Variants in PRKAR1A observed in about 807,000 individuals in gnomAD.
The protein encoded by PRKAR1A is protein kinase cAMP-dependent type I regulatory subunit alpha.
A neutral mutation model predicts 52.0 loss-of-function variants in PRKAR1A; 3 were observed. That is an observed-to-expected ratio of 0.06 (90% CI 0.03 to 0.15). PRKAR1A has a LOEUF of 0.15. PRKAR1A is among the 10% of genes least tolerant of loss of function. PRKAR1A has a pLI of 1.00. For missense variants in PRKAR1A, 240 were observed against 477.4 expected, an observed-to-expected ratio of 0.50 and a Z score of 4.63; for synonymous variants, 188 against 168.4, an observed-to-expected ratio of 1.12 and a Z score of -0.90.
At chr17:68,457,226 G>C in the PRKAR1A span, 2 of 1,263,312 alleles carry the variant, frequency 1.6e-6, no homozygotes, top group South Asian at 1.3e-5. Context: ...AGCAGACACC[G>C]GCCCTCCCGC....
chr17:68,428,856 C>T, the PRKAR1A span: 2 of 1,613,982 alleles, frequency 1.2e-6, no homozygotes, highest in African/African-American at 2.7e-5. Context: ...GACACACTCT[C>T]CTCCATCCTG....
intron 11 of PRKAR1A, among the ~76,000 whole-genome samples, chr17:68,546,754 C>T (rs543683739): frequency 1.2e-3 from 180 of 147,096 alleles, no homozygotes; most frequent in African/African-American, 4.1e-3. Context: ...GGCGTGAACC[C>T]GGGAGGTGGA....
the PRKAR1A span, among the ~76,000 whole-genome samples, chr17:68,425,052 T>A: frequency 1.3e-5 from 2 of 152,178 alleles, no homozygotes; most frequent in Non-Finnish European, 2.9e-5. Context: ...TTGTCTTCAG[T>A]TCCAGGTGAT....
intron 11 of PRKAR1A, chr17:68,540,092 G>A (rs2086221658): frequency 2.3e-5 from 18 of 780,564 alleles, no homozygotes; most frequent in Admixed American, 4.0e-5. Flanking sequence ...ACGAAGCTGG[G>A]CCTCACACTG....
chr17:68,539,804 GTC>G (rs2086209237), intron 11 of PRKAR1A: 2 of 1,364,638 alleles, frequency 1.5e-6, no homozygotes, highest in East Asian at 2.3e-5. Flanking sequence ...TTTGCAGGGC[GTC>G]TGTTTCCCCC....
At chr17:68,488,066 G>A in the PRKAR1A span, among the ~76,000 whole-genome samples, 1 of 152,132 alleles carries the variant, frequency 6.6e-6, no homozygotes, top group African/African-American at 2.4e-5. Context: ...GGAGTAGGGG[G>A]GTGGCATGGG....
chr17:68,458,770 A>G, the PRKAR1A span, among the ~76,000 whole-genome samples: 3 of 152,176 alleles, frequency 2.0e-5, no homozygotes, highest in Non-Finnish European at 4.4e-5. Flanking sequence ...CTGCTGATGG[A>G]TTTTTAATTC....
At chr17:68,481,844 C>T in the PRKAR1A span, among the ~76,000 whole-genome samples, 3 of 152,304 alleles carry the variant, frequency 2.0e-5, no homozygotes, top group Admixed American at 6.5e-5. Context: ...ACAAGGAACA[C>T]TTCTCGGATG....
At chr17:68,479,317 A>G in the PRKAR1A span, among the ~76,000 whole-genome samples, 2 of 152,308 alleles carry the variant, frequency 1.3e-5, no homozygotes, top group East Asian at 3.9e-4. Flanking sequence ...TTAGGTACAG[A>G]TGACATAATC....
chr17:68,435,855 T>C, the PRKAR1A span: 3 of 725,362 alleles, frequency 4.1e-6, no homozygotes, highest in South Asian at 5.2e-5. Context: ...CATCTGCATG[T>C]AAGCTGTGTG....
chr17:68,470,855 T>C, the PRKAR1A span, among the ~76,000 whole-genome samples: 1 of 152,144 alleles, frequency 6.6e-6, no homozygotes. Context: ...ACCAAAATAA[T>C]GTATGAAAGA....
chr17:68,483,966 C>T, the PRKAR1A span, among the ~76,000 whole-genome samples: 2 of 152,144 alleles, frequency 1.3e-5, no homozygotes, highest in South Asian at 2.1e-4. Flanking sequence ...AATATTTATG[C>T]CAATACCATG....
At chr17:68,462,441 CA>C in the PRKAR1A span, among the ~76,000 whole-genome samples, 1 of 152,338 alleles carries the variant, frequency 6.6e-6, no homozygotes, top group South Asian at 2.1e-4. Context: ...GTCAGCCAAT[CA>C]CCCTGCCTTA....
chr17:68,543,612 A>G (rs765011328), intron 11 of PRKAR1A: 5 of 1,612,750 alleles, frequency 3.1e-6, no homozygotes, highest in Non-Finnish European at 4.2e-6. Flanking sequence ...TGCCATCTCC[A>G]TGGGGCCAGA....
At chr17:68,547,835 C>G (rs2086639292) in intron 11 of PRKAR1A, among the ~76,000 whole-genome samples, 1 of 152,214 alleles carries the variant, frequency 6.6e-6, no homozygotes, top group African/African-American at 2.4e-5. Flanking sequence ...AGAACTTTTC[C>G]TTTGCATTCA....
At chr17:68,427,328 G>A in the PRKAR1A span, 1 of 1,107,878 alleles carries the variant, frequency 9.0e-7, no homozygotes, top group South Asian at 1.3e-5. Context: ...CAAAGGAAAA[G>A]CATGAAGAAG....
At position 68,531,039 on chromosome 17, in the gene PRKAR1A, A is replaced by T. The variant is rs1354458752; in HGVS notation, c.*590A>T. The T allele has an allele frequency of 9.4e-7, 1 of 1,059,866 alleles. No homozygotes were observed. The highest frequency in any genetic ancestry group is 5.0e-5 in the East Asian group (1 of 20,078). 65.7% of individuals were successfully genotyped at this position (1,059,866 alleles called of 1,614,324 possible). On this transcript the variant is annotated 3_prime_UTR_variant, in exon 11 of 11. Transcript: ENST00000589228. ...TGATTGGTTCAGTTTTTTTTTTTCCAGAGTTGTTGTTTGCCAAGCTAATCT... is the reference window on the plus strand; with the variant it reads ...TGATTGGTTCAGTTTTTTTTTTTCCTGAGTTGTTGTTTGCCAAGCTAATCT...
the PRKAR1A span, chr17:68,450,931 T>A: frequency 6.3e-7 from 1 of 1,596,946 alleles, no homozygotes; most frequent in Middle Eastern, 2.0e-4. Flanking sequence ...GTTACATGGA[T>A]TGATCACTTC....
At chr17:68,421,743 G>C in the PRKAR1A span, 1 of 1,614,082 alleles carries the variant, frequency 6.2e-7, no homozygotes, top group Non-Finnish European at 8.5e-7. Context: ...TGATAGGGGG[G>C]ATGTCCTGAT....
Sources: allele counts gnomAD v4.1 joint callset (sites outside exome capture counted in the v4.1 genomes callset), GRCh38; gene constraint gnomAD v4.1.1; transcripts MANE v1.5; gene names NCBI Gene and HGNC (gene_info 2026-07-23, HGNC 2026-07-21).